Variants in FBXO8 observed in about 807,000 individuals in gnomAD.
FBXO8 encodes F-box protein 8.
A neutral mutation model predicts 33.4 loss-of-function variants in FBXO8; 15 were observed. The ratio of observed to expected loss-of-function variants is 0.45; its 90% CI spans 0.30 to 0.69. The LOEUF (loss-of-function observed/expected upper bound fraction) is 0.69, where lower values mean the gene tolerates loss of function less well. Among genes scored for constraint, FBXO8 ranks in the 30% least tolerant of loss-of-function variants. The pLI is 0.08. For synonymous variants in FBXO8, 132 were observed against 131.5 expected, an observed-to-expected ratio of 1.00 and a Z score of -0.02; for missense variants, 274 against 380.3, an observed-to-expected ratio of 0.72 and a Z score of 2.32.
At chr4:174,271,169 A>G (rs1217393907) in intron 1 of FBXO8, among the ~76,000 whole-genome samples, 1 of 152,234 alleles carries the variant, frequency 6.6e-6, no homozygotes, top group Admixed American at 6.5e-5. Context: ...ATTCATGAAC[A>G]TGAGATTTCA....
intron 1 of FBXO8, among the ~76,000 whole-genome samples, chr4:174,279,842 T>C (rs944176273): frequency 2.6e-5 from 4 of 151,982 alleles, no homozygotes; most frequent in African/African-American, 9.7e-5. Flanking sequence ...CTATGAAAAT[T>C]AACTCAAAAT....
intron 3 of FBXO8, among the ~76,000 whole-genome samples, chr4:174,248,633 A>G (rs1477682471): frequency 6.6e-6 from 1 of 152,096 alleles, no homozygotes; most frequent in Non-Finnish European, 1.5e-5. Flanking sequence ...CAGTTTTCTC[A>G]GTTAGCTATG....
intron 4 of FBXO8, among the ~76,000 whole-genome samples, chr4:174,240,570 A>G (rs1387767834): frequency 7.8e-6 from 1 of 127,534 alleles, no homozygotes; most frequent in Non-Finnish European, 1.7e-5. Context: ...AAATCAGAAC[A>G]GCATACTAAC....
In FBXO8 at chr4:174,254,632, C is replaced by T. The variant is rs1736377899; in HGVS notation, c.456+5067G>A. On this transcript the variant is annotated intron_variant, in intron 3 of 5. Coordinates refer to ENST00000393674, the MANE Select transcript of FBXO8 (RefSeq NM_012180.3). The surrounding 1 kb of genome is among the most constrained non-coding windows in gnomAD (Gnocchi z 4.2). ...TATTGCTTTCAGGTTTATTGCCTTA[C>T]CCTTACTGTCCAAAGTAATACTTCC... Among the ~76,000 whole-genome samples the T allele has an allele frequency of 1.3e-5, 2 of 152,126 alleles. No individual in the cohort carries two copies. Among genetic ancestry groups the T allele is most frequent in the South Asian group, 4.1e-4 (2 of 4,828 alleles).
intron 3 of FBXO8, among the ~76,000 whole-genome samples, chr4:174,242,762 C>T (rs1579018209): frequency 6.6e-6 from 1 of 151,518 alleles, no homozygotes; most frequent in Admixed American, 6.6e-5. Flanking sequence ...TTGTTCTATC[C>T]TTTCCTCCAT....
intron 1 of FBXO8, among the ~76,000 whole-genome samples, chr4:174,271,325 A>G (rs896476167): frequency 6.6e-6 from 1 of 152,316 alleles, no homozygotes. Context: ...TTGGGAGTCC[A>G]AAACATAGGA....
rs1736572935 is a variant in FBXO8, at chr4:174,261,906, T to G, written c.329+858A>C. ...AGTCTATATTTTTATAAAGACCTAT[T>G]TCAAGATAATAAGACAAATAAACTT... On this transcript the variant is annotated intron_variant, in intron 2 of 5. Transcript: ENST00000393674. This position sits in a 1 kb window ranked among gnomAD's most constrained non-coding sequence, Gnocchi z 4.1. 1.3e-5 allele frequency among the ~76,000 whole-genome samples: 2 copies of G among 152,106 alleles called. No homozygotes were observed. The highest frequency in any genetic ancestry group is 4.1e-4 in the South Asian group (2 of 4,834).
chr4:174,242,912 A>C (rs1331668597), intron 3 of FBXO8, among the ~76,000 whole-genome samples: 1 of 151,638 alleles, frequency 6.6e-6, no homozygotes, highest in East Asian at 1.9e-4. Context: ...AATGATTTAA[A>C]AACAATGTCA....
intron 1 of FBXO8, among the ~76,000 whole-genome samples, chr4:174,266,611 T>C (rs62335799): frequency 6.6e-6 from 1 of 152,162 alleles, no homozygotes; most frequent in Non-Finnish European, 1.5e-5. Flanking sequence ...ATCCATTGTA[T>C]AAGTTGTAAA....
rs1040159647 is a variant in FBXO8, at chr4:174,241,545, G to T, written c.457-327C>A. Reference sequence around the variant, plus strand: ...CTGCAGATGAAACCACAATACAGACGTTAAAACAAGCCTTTTAACAAACAC... The same window carrying T: ...CTGCAGATGAAACCACAATACAGACTTTAAAACAAGCCTTTTAACAAACAC... On this transcript the variant is annotated intron_variant, in intron 3 of 5. Transcript: ENST00000393674. The surrounding 1 kb of genome is among the most constrained non-coding windows in gnomAD (Gnocchi z 4.2). Among the ~76,000 whole-genome samples, 2 of 151,460 alleles carry T rather than the reference G, an allele frequency of 1.3e-5. No homozygotes were observed. The highest frequency in any genetic ancestry group is 4.8e-5 in the African/African-American group (2 of 41,366).
chr4:174,241,717 C>T lies in FBXO8; in HGVS notation c.457-499G>A, dbSNP rs1177579452. Among the ~76,000 whole-genome samples, 2 of 151,466 alleles carry T rather than the reference C, an allele frequency of 1.3e-5. No homozygotes were observed. The highest frequency in any genetic ancestry group is 2.4e-5 in the African/African-American group (1 of 41,370). On this transcript the variant is annotated intron_variant, in intron 3 of 5. Coordinates refer to ENST00000393674, the MANE Select transcript of FBXO8 (RefSeq NM_012180.3). This position sits in a 1 kb window ranked among gnomAD's most constrained non-coding sequence, Gnocchi z 4.2. Reference sequence around the variant, plus strand: ...GGGAGAAAAATATTAAATTATTTAACTTAAAGTAAAGGAAGCCCAACTCCA... The same window carrying T: ...GGGAGAAAAATATTAAATTATTTAATTTAAAGTAAAGGAAGCCCAACTCCA...
Position 174,252,579 on chromosome 4 carries a change from G to A in FBXO8, c.456+7120C>T, listed in dbSNP as rs1191957465. Among the ~76,000 whole-genome samples, 3 of 151,932 alleles carry A rather than the reference G, an allele frequency of 2.0e-5. No individual in the cohort carries two copies. Among genetic ancestry groups the A allele is most frequent in the Non-Finnish European group, 4.4e-5 (3 of 68,006 alleles). ...CATGGCTACCAGATGGCTGCACATG[G>A]TCATGCCATTATATTCTCACATACC... On this transcript the variant is annotated intron_variant, in intron 3 of 5. Coordinates refer to ENST00000393674, the MANE Select transcript of FBXO8 (RefSeq NM_012180.3). The surrounding 1 kb of genome is among the most constrained non-coding windows in gnomAD (Gnocchi z 5.1).
intron 1 of FBXO8, among the ~76,000 whole-genome samples, chr4:174,273,097 G>A (rs911218391): frequency 2.0e-5 from 3 of 151,946 alleles, no homozygotes; most frequent in South Asian, 2.1e-4. Flanking sequence ...AGGACAGCCC[G>A]GGCAACATAG....
chr4:174,237,651 T>C lies in FBXO8; in HGVS notation c.773-52A>G. 4 of 1,469,250 alleles carry C rather than the reference T, an allele frequency of 2.7e-6. No homozygotes were observed. Among genetic ancestry groups the C allele is most frequent in the Non-Finnish European group, 3.7e-6 (4 of 1,078,396 alleles). 91.0% of individuals were successfully genotyped at this position (1,469,250 alleles called of 1,614,324 possible). ...TTATTAGTTGGTTTACAAAATATGATTCCAATGGCATTATATAAGGCAAAA... is the reference window on the plus strand; with the variant it reads ...TTATTAGTTGGTTTACAAAATATGACTCCAATGGCATTATATAAGGCAAAA... On this transcript the variant is annotated intron_variant, in intron 5 of 5. Transcript: ENST00000393674. The surrounding 1 kb of genome is among the most constrained non-coding windows in gnomAD (Gnocchi z 4.4).
rs1178892089 is a variant in FBXO8 at position 174,262,301 on chromosome 4, A to C, written c.329+463T>G. On this transcript the variant is annotated intron_variant, in intron 2 of 5. Coordinates refer to ENST00000393674, the MANE Select transcript of FBXO8 (RefSeq NM_012180.3). The surrounding 1 kb of genome is among the most constrained non-coding windows in gnomAD (Gnocchi z 4.6). Reference sequence around the variant, plus strand: ...TTGAAGAAATATAGAATTGAGTAAAAATGTAAGGCTCTATATGAAGAAAAT... The same window carrying C: ...TTGAAGAAATATAGAATTGAGTAAACATGTAAGGCTCTATATGAAGAAAAT... Among the ~76,000 whole-genome samples, 1 of 152,192 alleles carries C rather than the reference A, an allele frequency of 6.6e-6. No individual in the cohort carries two copies. Among genetic ancestry groups the C allele is most frequent in the Non-Finnish European group, 1.5e-5 (1 of 68,018 alleles).
rs1262094998 is a variant in FBXO8, at chr4:174,254,517, C to A, written c.456+5182G>T. Among the ~76,000 whole-genome samples the A allele has an allele frequency of 1.3e-5, 2 of 152,052 alleles. No homozygotes were observed. Among genetic ancestry groups the A allele is most frequent in the Non-Finnish European group, 2.9e-5 (2 of 67,994 alleles). ...AAGAGTTAGTACAGAGAATGCGATA[C>A]CAAGTAAATAATGATGAATGGTCTA... On this transcript the variant is annotated intron_variant, in intron 3 of 5. Coordinates refer to ENST00000393674, the MANE Select transcript of FBXO8 (RefSeq NM_012180.3). The surrounding 1 kb of genome is among the most constrained non-coding windows in gnomAD (Gnocchi z 4.2).
At position 174,262,248 on chromosome 4, in the gene FBXO8, C is replaced by G. The variant is rs1447159927; in HGVS notation, c.329+516G>C. 6.6e-6 allele frequency among the ~76,000 whole-genome samples: 1 copy of G among 152,028 alleles called. No homozygotes were observed. Among genetic ancestry groups the G allele is most frequent in the Non-Finnish European group, 1.5e-5 (1 of 67,982 alleles). On this transcript the variant is annotated intron_variant, in intron 2 of 5. Transcript: ENST00000393674. This position sits in a 1 kb window ranked among gnomAD's most constrained non-coding sequence, Gnocchi z 4.6. ...AAAAAAAAGTAGATAAAATTTTCAC[C>G]AGTTAAATTTTATTCTAACAAGCAC... is the stretch of plus-strand genomic sequence containing the variant.
intron 4 of FBXO8, among the ~76,000 whole-genome samples, chr4:174,239,982 C>T (rs1265110255): frequency 6.6e-6 from 1 of 151,626 alleles, no homozygotes; most frequent in Non-Finnish European, 1.5e-5. Flanking sequence ...GCTACTGGGC[C>T]AGATCTGGCC....
intron 5 of FBXO8, among the ~76,000 whole-genome samples, chr4:174,238,510 T>C (rs1363592107): frequency 2.6e-5 from 4 of 151,494 alleles, no homozygotes; most frequent in South Asian, 4.1e-4. Flanking sequence ...ATTCAGGCTA[T>C]ATCATAAGCA....
Sources: allele counts gnomAD v4.1 joint callset (sites outside exome capture counted in the v4.1 genomes callset), GRCh38; gene constraint gnomAD v4.1.1; non-coding constraint Gnocchi (gnomAD v3.1); transcripts MANE v1.5; gene names NCBI Gene and HGNC (gene_info 2026-07-23, HGNC 2026-07-21).